Variants in WNT7B observed in about 807,000 individuals in gnomAD.
The protein encoded by WNT7B is Wnt family member 7B.
Under a neutral mutation model 38.2 loss-of-function variants are expected in WNT7B, and 19 were observed. The ratio of observed to expected loss-of-function variants is 0.50; its 90% CI spans 0.35 to 0.73. The LOEUF is 0.73. Ranked by LOEUF, WNT7B falls within the 30% of genes least tolerant of loss-of-function variation. WNT7B has a pLI of 0.01. For synonymous variants in WNT7B, 243 were observed against 209.3 expected (o/e 1.16, Z -1.39); for missense variants, 423 against 507.9 (o/e 0.83, Z 1.61).
At chr22:45,942,325 G>A (rs887500581) in intron 2 of WNT7B, among the ~76,000 whole-genome samples, 3 of 152,220 alleles carry the variant, frequency 2.0e-5, no homozygotes, top group African/African-American at 7.2e-5. Context: ...GGCCCCCTGT[G>A]GCTGTCCACA....
At chr22:45,928,885 T>C (rs936360109) in intron 3 of WNT7B, among the ~76,000 whole-genome samples, 13 of 152,036 alleles carry the variant, frequency 8.6e-5, no homozygotes, top group Admixed American at 4.6e-4. Context: ...ACGACCTTGG[T>C]TCCCCATGCC....
intron 2 of WNT7B, among the ~76,000 whole-genome samples, chr22:45,940,783 C>T (rs1931626156): frequency 6.6e-6 from 1 of 152,140 alleles, no homozygotes; most frequent in African/African-American, 2.4e-5. Flanking sequence ...GTGCTCCTCT[C>T]AGGAAGGGAT....
intron 1 of WNT7B, among the ~76,000 whole-genome samples, chr22:45,963,609 C>CA (rs766962490): frequency 2.0e-5 from 3 of 152,194 alleles, no homozygotes; most frequent in Non-Finnish European, 2.9e-5. Flanking sequence ...GGTTTGGTAT[C>CA]AGAGACAAGA....
intron 3 of WNT7B, among the ~76,000 whole-genome samples, chr22:45,929,961 C>T (rs914304562): frequency 6.6e-6 from 1 of 150,394 alleles, no homozygotes; most frequent in African/African-American, 2.5e-5. Context: ...TCCACTCATA[C>T]ATCTATCCAT....
Position 45,964,522 on chromosome 22 carries a change from C to T in WNT7B, c.71+12162G>A, listed in dbSNP as rs117778710. Among the ~76,000 whole-genome samples, 1,394 of 152,256 alleles carry T rather than the reference C, an allele frequency of 9.2e-3. 12 individuals are homozygous for T. Among genetic ancestry groups the T allele is most frequent in the South Asian group, 0.025 (121 of 4,824 alleles). ...GCCTTCCTAGTGGGGGTGTCAGCCG[C>T]ACCTGGAAATTCCCAACACTTCCCC... On this transcript the variant is annotated intron_variant, in intron 1 of 3. Coordinates refer to ENST00000339464, the MANE Select transcript of WNT7B (RefSeq NM_058238.3).
In WNT7B at chr22:45,976,862, C is replaced by A; in HGVS notation, c.-108G>T. On this transcript the variant is annotated 5_prime_UTR_variant, in exon 1 of 4. Coordinates refer to ENST00000339464, the MANE Select transcript of WNT7B (RefSeq NM_058238.3). The surrounding 1 kb of genome is among the most constrained non-coding windows in gnomAD (Gnocchi z 8.5). ...GGCTGCGGGCAGACTGCGCTCAGCC[C>A]GCGCTGCGGCTCGGGCGGCCGGCGA... 9.4e-7 allele frequency: 1 copy of A among 1,060,492 alleles called. No individual in the cohort carries two copies. The highest frequency in any genetic ancestry group is 4.4e-5 in the South Asian group (1 of 22,746). 65.7% of individuals were successfully genotyped at this position (1,060,492 alleles called of 1,614,324 possible).
chr22:45,946,738 A>G (rs1931806119), intron 2 of WNT7B, among the ~76,000 whole-genome samples: 1 of 152,204 alleles, frequency 6.6e-6, no homozygotes, highest in African/African-American at 2.4e-5. Context: ...TCCTTAGAAG[A>G]AACCATCTGT....
chr22:45,975,718 G>A lies in WNT7B; in HGVS notation c.71+966C>T. 2.1e-6 allele frequency: 1 copy of A among 476,756 alleles called. No homozygotes were observed. Among genetic ancestry groups the A allele is most frequent in the Non-Finnish European group, 3.9e-6 (1 of 259,156 alleles). 29.5% of individuals were successfully genotyped at this position (476,756 alleles called of 1,614,324 possible). A position where few individuals can be genotyped will look rare whatever the true frequency, so the allele number is the denominator to read the frequency against. ...TGGCCTGGACGGGGCTCGCCTCGGGGCAGCCGGCGGCGCACAGTAGGCGCG... is the reference window on the plus strand; with the variant it reads ...TGGCCTGGACGGGGCTCGCCTCGGGACAGCCGGCGGCGCACAGTAGGCGCG... On this transcript the variant is annotated intron_variant, in intron 1 of 3. Transcript: ENST00000339464. This position sits in a 1 kb window ranked among gnomAD's most constrained non-coding sequence, Gnocchi z 6.6.
chr22:45,958,239 C>T lies in WNT7B; in HGVS notation c.72-8093G>A, dbSNP rs573458729. 1.5e-4 allele frequency among the ~76,000 whole-genome samples: 23 copies of T among 152,354 alleles called. 1 individual carries two copies. The East Asian group carries it at 4.0e-3, about 27-fold the overall frequency. The stretch of plus-strand genomic sequence containing the variant: ...AAGACCCTCACCTGGGCGACACCGT[C>T]TCTGCCAAGGCCCAGCCTGGGGGCT... On this transcript the variant is annotated intron_variant, in intron 1 of 3. Coordinates refer to ENST00000339464, the MANE Select transcript of WNT7B (RefSeq NM_058238.3).
At chr22:45,933,062 TCAGC>T (rs1931417747) in intron 2 of WNT7B, among the ~76,000 whole-genome samples, 1 of 152,148 alleles carries the variant, frequency 6.6e-6, no homozygotes, top group African/African-American at 2.4e-5. Context: ...TGCTGGGGGC[TCAGC>T]CAGGTGGGGG....
chr22:45,927,596 A>C, intron 3 of WNT7B: 1 of 980,150 alleles, frequency 1.0e-6, no homozygotes, highest in Non-Finnish European at 1.6e-6. Context: ...GAGAGTGTCC[A>C]TATAAGAGAT....
chr22:45,969,391 C>T (rs1358145351), intron 1 of WNT7B, among the ~76,000 whole-genome samples: 4 of 152,232 alleles, frequency 2.6e-5, no homozygotes, highest in South Asian at 2.1e-4. Flanking sequence ...GGGACAGAAG[C>T]GCAGCCTGGT....
chr22:45,920,747 G>C lies in WNT7B; in HGVS notation c.*2109C>G, dbSNP rs1378477063. ...GAGGGATGAGATGAGGGATGGGATG[G>C]GATGGGGGATGAGGGATGGGGGCCG... On this transcript the variant is annotated 3_prime_UTR_variant, in exon 4 of 4. Transcript: ENST00000339464. 1.4e-5 allele frequency: 2 copies of C among 138,108 alleles called. No homozygotes were observed. The allele number at this position is 138,108 out of a possible 1,614,324, so 8.6% of individuals were successfully genotyped here.
intron 3 of WNT7B, among the ~76,000 whole-genome samples, chr22:45,930,513 G>T (rs776486664): frequency 6.6e-6 from 1 of 152,174 alleles, no homozygotes; most frequent in African/African-American, 2.4e-5. Context: ...GGCGGGGCCC[G>T]GCTTGCTCTG....
rs765049468 is a variant in WNT7B, at chr22:45,923,130, C to G, written c.776G>C (p.Ser259Thr). ...PTFLRIKQLR[S>T]YQKPMETDLV... ...GTCTGTCTCCATGGGCTTCTGATAG[C>G]TGCGCAGCTGTTTGATGCGCAGGAA... Residue 259 changes from serine to threonine, a missense_variant, in exon 4 of 4, where the codon AGC (serine) becomes ACC (threonine). This residue lies in a region of WNT7B where 158 missense variants were observed against 214.7 expected (regional missense o/e 0.74). Transcript: ENST00000339464. 9 of 1,613,534 alleles carry G rather than the reference C, an allele frequency of 5.6e-6. No individual in the cohort carries two copies. The highest frequency in any genetic ancestry group is 6.8e-6 in the Non-Finnish European group (8 of 1,180,026).
At position 45,929,619 on chromosome 22, in the gene WNT7B, CCCATCCTT is replaced by C. The variant is rs1471088945; in HGVS notation, c.570+1471_570+1478del. 6.3e-5 allele frequency among the ~76,000 whole-genome samples: 9 copies of C among 142,860 alleles called. 1 individual carries two copies. Among genetic ancestry groups the C allele is most frequent in the African/African-American group, 2.4e-4 (9 of 37,068 alleles). The allele number at this position is 142,860 out of a possible 152,430, so 93.7% of individuals were successfully genotyped here. A position where few individuals can be genotyped will look rare whatever the true frequency, so the allele number is the denominator to read the frequency against. On this transcript the variant is annotated intron_variant, in intron 3 of 3. Coordinates refer to ENST00000339464, the MANE Select transcript of WNT7B (RefSeq NM_058238.3). The stretch of plus-strand genomic sequence containing the variant: ...ATGCATCCATCCACCTGCCCATACA[CCCATCCTT>C]CCATCCATGCATCCACTCATCCATC...
intron 2 of WNT7B, among the ~76,000 whole-genome samples, chr22:45,940,774 T>C (rs1327879281): frequency 2.0e-5 from 3 of 151,886 alleles, no homozygotes; most frequent in Admixed American, 6.6e-5. Context: ...GGCCAATGAG[T>C]GCTCCTCTCA....
At chr22:45,937,574 A>G (rs59614521) in intron 2 of WNT7B, among the ~76,000 whole-genome samples, 1 of 152,080 alleles carries the variant, frequency 6.6e-6, no homozygotes, top group African/African-American at 2.4e-5. Flanking sequence ...TGTGCACCTC[A>G]GCACGTGTCC....
At chr22:45,942,456 G>C (rs904516303) in intron 2 of WNT7B, among the ~76,000 whole-genome samples, 2 of 152,256 alleles carry the variant, frequency 1.3e-5, no homozygotes, top group African/African-American at 4.8e-5. Flanking sequence ...CATCGGGGTG[G>C]AGGCAGAGAC....
Sources: allele counts gnomAD v4.1 joint callset (sites outside exome capture counted in the v4.1 genomes callset), GRCh38; gene constraint gnomAD v4.1.1; regional missense constraint gnomAD v4.1.1; non-coding constraint Gnocchi (gnomAD v3.1); transcripts MANE v1.5; gene names NCBI Gene and HGNC (gene_info 2026-07-23, HGNC 2026-07-21).